WDR6: variants seen among roughly 807,000 people sequenced by gnomAD.
WDR6 encodes the protein tRNA (34-2'-O)-methyltransferase regulator WDR6.
In WDR6, 58 loss-of-function variants were observed where a neutral mutation model predicts 85.6. The observed-to-expected ratio is 0.68, with a 90% confidence interval of 0.55 to 0.84. The LOEUF (loss-of-function observed/expected upper bound fraction) is 0.84, where lower values mean the gene tolerates loss of function less well. Ranked by LOEUF, WDR6 falls within the 40% of genes least tolerant of loss-of-function variation. The pLI is 0.00. For missense variants in WDR6, 1,310 were observed against 1,476.4 expected (o/e 0.89, Z 1.85); for synonymous variants, 569 against 582.2 (o/e 0.98, Z 0.33).
chr3:49,010,414 A>G (rs1448871996), intron 1 of WDR6, among the ~76,000 whole-genome samples: 1 of 151,078 alleles, frequency 6.6e-6, no homozygotes, highest in African/African-American at 2.4e-5. Context: ...TCAAAAAAAA[A>G]AAAGAGTGAC....
rs1559896374 is a variant in WDR6 at position 49,012,454 on chromosome 3, A to G, written c.920A>G (p.His307Arg). 6.2e-7 allele frequency: 1 copy of G among 1,614,164 alleles called. No homozygotes were observed. Among genetic ancestry groups the G allele is most frequent in the Non-Finnish European group, 8.5e-7 (1 of 1,180,028 alleles). Residue 307 changes from histidine to arginine, a missense_variant, in exon 2 of 6, where the codon CAT becomes CGT. Physicochemically the swap from His to Arg is conservative, Grantham distance 29. Transcript: ENST00000608424. This position sits in a 1 kb window ranked among gnomAD's most constrained non-coding sequence, Gnocchi z 4.4. ...CGTGGGATCCGGGCCATAGCTGCCC[A>G]TGAGAGGCAGGCCTGGGTGATCACT... ...QGRGIRAIAA[H>R]ERQAWVITGG...
Position 49,012,135 on chromosome 3 carries a change from C to G in WDR6, c.601C>G (p.Pro201Ala). The G allele has an allele frequency of 6.8e-6, 11 of 1,614,142 alleles. No individual in the cohort carries two copies. The highest frequency in any genetic ancestry group is 9.3e-6 in the Non-Finnish European group (11 of 1,180,040). The part of the protein sequence containing the change: ...TALADNKPVA[P>A]DRRISGHVGI... ...CTTAGCAGACAACAAACCTGTAGCA[C>G]CTGACCGACGAATCAGTGGGCATGT... Residue 201 changes from proline to alanine, a missense_variant, in exon 2 of 6, where the codon CCT (proline) becomes GCT (alanine). Coordinates refer to ENST00000608424, the MANE Select transcript of WDR6 (RefSeq NM_018031.6). The surrounding 1 kb of genome is among the most constrained non-coding windows in gnomAD (Gnocchi z 4.4).
chr3:49,011,652 C>T lies in WDR6; in HGVS notation c.118C>T (p.Leu40=). The change falls in exon 2 of 6, where the codon CTG becomes TTG. Residue 40 remains leucine (L), a synonymous_variant. Transcript: ENST00000608424. The part of the protein sequence containing the change: ...RLLAGEGPDV[L]VYSLDFGGHL... Reference sequence around the variant, plus strand: ...CTATCTAGGTGAGGGTCCCGATGTCCTGGTGTACAGCTTGGACTTTGGTGG... The same window carrying T: ...CTATCTAGGTGAGGGTCCCGATGTCTTGGTGTACAGCTTGGACTTTGGTGG... The T allele has an allele frequency of 6.2e-7, 1 of 1,614,078 alleles. No individual in the cohort carries two copies. Among genetic ancestry groups the T allele is most frequent in the South Asian group, 1.1e-5 (1 of 91,072 alleles).
chr3:49,011,367 C>T, intron 1 of WDR6: 1 of 1,247,076 alleles, frequency 8.0e-7, no homozygotes, highest in Non-Finnish European at 1.1e-6. Flanking sequence ...GCGTGAGCCA[C>T]CGTGCCTGGC....
At position 49,007,931 on chromosome 3, in the gene WDR6, C is replaced by CGGAGGGAGGA. The variant is rs2092992926; in HGVS notation, c.100+406_100+415dup. ...GGAGACGGGGCCGAGCTGGGGGGGGCGGAGGGAGGAGGAGGAGGAGGAGGC... is the reference window on the plus strand; with the variant it reads ...GGAGACGGGGCCGAGCTGGGGGGGGCGGAGGGAGGAGGAGGGAGGAGGAGGAGGAGGAGGC... On this transcript the variant is annotated intron_variant, in intron 1 of 5. Transcript: ENST00000608424. This position sits in a 1 kb window ranked among gnomAD's most constrained non-coding sequence, Gnocchi z 5.1. 6.3e-5 allele frequency: 3 copies of CGGAGGGAGGA among 47,626 alleles called. No individual in the cohort carries two copies. Among genetic ancestry groups the CGGAGGGAGGA allele is most frequent in the African/African-American group, 2.7e-4 (3 of 11,252 alleles). 3.0% of individuals were successfully genotyped at this position (47,626 alleles called of 1,614,324 possible).
Position 49,012,094 on chromosome 3 carries a change from G to C in WDR6, c.560G>C (p.Trp187Ser), listed in dbSNP as rs991271470. The change falls in exon 2 of 6, where the codon TGG (tryptophan) becomes TCG (serine). Residue 187 changes from tryptophan (W) to serine (S), a missense_variant. Transcript: ENST00000608424. This position sits in a 1 kb window ranked among gnomAD's most constrained non-coding sequence, Gnocchi z 4.4. The part of the protein sequence containing the change: ...AGAVSNQLLV[W>S]YPATALADNK... ...GCTGTTTCCAACCAGCTCTTGGTCT[G>C]GTACCCAGCAACTGCCTTAGCAGAC... The C allele has an allele frequency of 3.7e-6, 6 of 1,613,768 alleles. No individual in the cohort carries two copies. The African/African-American group carries it at 6.7e-5, about 18-fold the overall frequency.
chr3:49,011,401 T>C, intron 1 of WDR6: 2 of 1,438,328 alleles, frequency 1.4e-6, no homozygotes, highest in Non-Finnish European at 1.8e-6. Context: ...TTTCTTTTTT[T>C]TTTTTTTCTT....
rs2093024818 is a variant in WDR6 at position 49,012,792 on chromosome 3, G to T, written c.1258G>T (p.Val420Phe). Residue 420 changes from valine (V) to phenylalanine (F), a missense_variant, in exon 2 of 6, where the codon GTC becomes TTC. Coordinates refer to ENST00000608424, the MANE Select transcript of WDR6 (RefSeq NM_018031.6). This position sits in a 1 kb window ranked among gnomAD's most constrained non-coding sequence, Gnocchi z 4.4. ...CAATGGGGAAGGTCGTGTCAAGGTT[G>T]TCCCCATCAACACTCCAACTGCTGC... ...MANGEGRVKV[V>F]PINTPTAAVD... is the part of the protein sequence containing the mutation. 1.9e-6 allele frequency: 3 copies of T among 1,614,020 alleles called. No individual in the cohort carries two copies. In the East Asian group the frequency reaches 6.7e-5, roughly 36 times the overall value.
chr3:49,012,823 A>T lies in WDR6; in HGVS notation c.1289A>T (p.Asp430Val), dbSNP rs199741810. ...VPINTPTAAV[D>V]QTLFPGKVHS... ...ATCAACACTCCAACTGCTGCTGTGGACCAGACCCTGTTTCCTGGGAAGGTG... is the reference window on the plus strand; with the variant it reads ...ATCAACACTCCAACTGCTGCTGTGGTCCAGACCCTGTTTCCTGGGAAGGTG... The change falls in exon 2 of 6, where the codon GAC (aspartate) becomes GTC (valine). Residue 430 changes from aspartate (D) to valine (V), a missense_variant. Physicochemically the swap from Asp to Val is radical, Grantham distance 152. Coordinates refer to ENST00000608424, the MANE Select transcript of WDR6 (RefSeq NM_018031.6). This position sits in a 1 kb window ranked among gnomAD's most constrained non-coding sequence, Gnocchi z 4.4. 1 of 1,613,580 alleles carries T rather than the reference A, an allele frequency of 6.2e-7. No individual in the cohort carries two copies. Among genetic ancestry groups the T allele is most frequent in the Non-Finnish European group, 8.5e-7 (1 of 1,179,934 alleles).
chr3:49,015,917 GC>G lies in WDR6; in HGVS notation c.*633del, dbSNP rs1244832566. The G allele has an allele frequency of 8.1e-6, 13 of 1,614,030 alleles. No individual in the cohort carries two copies. The highest frequency in any genetic ancestry group is 1.1e-5 in the Non-Finnish European group (13 of 1,180,048). On this transcript the variant is annotated 3_prime_UTR_variant, in exon 6 of 6. Transcript: ENST00000608424. ...CACTGGCCCATCTCTTTGCTCTTGT[GC>G]CCCAGGCCAGAATAAAGAATAGAGT...
Position 49,012,274 on chromosome 3 carries a change from G to A in WDR6, c.740G>A (p.Arg247Gln), listed in dbSNP as rs767560521. 30 of 1,614,108 alleles carry A rather than the reference G, an allele frequency of 1.9e-5. No homozygotes were observed. The highest frequency in any genetic ancestry group is 2.4e-5 in the Non-Finnish European group (28 of 1,180,048). ...GGCGACCTGCGAGTGCCTGGGGGTC[G>A]GGTGCAGAATATTGGGCACTGCTTT... ...KVGDLRVPGGRVQNIGHCFGH... is the reference protein window; with the variant it reads ...KVGDLRVPGGQVQNIGHCFGH... The change falls in exon 2 of 6, where the codon CGG becomes CAG. Residue 247 changes from arginine to glutamine, a missense_variant. Transcript: ENST00000608424. The surrounding 1 kb of genome is among the most constrained non-coding windows in gnomAD (Gnocchi z 4.4).
rs1415847889 is a variant in WDR6 at position 49,013,771 on chromosome 3, G to A, written c.2237G>A (p.Cys746Tyr). 2.5e-6 allele frequency: 4 copies of A among 1,614,154 alleles called. No individual in the cohort carries two copies. Among genetic ancestry groups the A allele is most frequent in the Admixed American group, 1.7e-5 (1 of 60,022 alleles). ...GACTTGACTGACATTGTGATCACAT[G>A]TAGTGAGGACACTACTGTCTGTGTC... ...GPDLTDIVITCSEDTTVCVLA... is the reference protein window; with the variant it reads ...GPDLTDIVITYSEDTTVCVLA... The change falls in exon 2 of 6, where the codon TGT becomes TAT. Residue 746 changes from cysteine to tyrosine, a missense_variant. Transcript: ENST00000608424. This position sits in a 1 kb window ranked among gnomAD's most constrained non-coding sequence, Gnocchi z 4.6.
chr3:49,015,447 G>T lies in WDR6; in HGVS notation c.*159G>T. ...TGCAGGAGCTGAAGGTGAGTGGAGT[G>T]CTGCCAAGAATATGCCCGACTCCCC... On this transcript the variant is annotated 3_prime_UTR_variant, in exon 6 of 6. Transcript: ENST00000608424. 1 of 1,422,704 alleles carries T rather than the reference G, an allele frequency of 7.0e-7. No individual in the cohort carries two copies. Among genetic ancestry groups the T allele is most frequent in the Non-Finnish European group, 9.7e-7 (1 of 1,034,740 alleles). 88.1% of individuals were successfully genotyped at this position (1,422,704 alleles called of 1,614,324 possible).
Position 49,015,739 on chromosome 3 carries a change from T to G in WDR6, c.*451T>G. On this transcript the variant is annotated 3_prime_UTR_variant, in exon 6 of 6. Coordinates refer to ENST00000608424, the MANE Select transcript of WDR6 (RefSeq NM_018031.6). ...GAGAAAGGGCCTGCTGGTCTCATCC[T>G]CTGCTTCCTTTGCCTTTACCCTATA... 2 of 1,614,130 alleles carry G rather than the reference T, an allele frequency of 1.2e-6. No homozygotes were observed. Among genetic ancestry groups the G allele is most frequent in the Non-Finnish European group, 1.7e-6 (2 of 1,180,012 alleles).
chr3:49,011,001 A>G, intron 1 of WDR6: 1 of 429,516 alleles, frequency 2.3e-6, no homozygotes, highest in East Asian at 7.1e-5. Flanking sequence ...CAGCGACAGA[A>G]TGAGACTCTG....
At position 49,007,428 on chromosome 3, in the gene WDR6, C is replaced by A; in HGVS notation, c.-4C>A. 1 of 1,609,862 alleles carries A rather than the reference C, an allele frequency of 6.2e-7. No individual in the cohort carries two copies. Among genetic ancestry groups the A allele is most frequent in the South Asian group, 1.1e-5 (1 of 90,242 alleles). On this transcript the variant is annotated 5_prime_UTR_variant, in exon 1 of 6. Coordinates refer to ENST00000608424, the MANE Select transcript of WDR6 (RefSeq NM_018031.6). The surrounding 1 kb of genome is among the most constrained non-coding windows in gnomAD (Gnocchi z 5.1). ...GTGGCTGCCTCAGCACCTCGAGGAT[C>A]GACATGGACGCTCTCGAGGACTACG... is the stretch of plus-strand genomic sequence containing the variant.
In WDR6 at chr3:49,012,982, G is replaced by A. The variant is rs202213783; in HGVS notation, c.1448G>A (p.Arg483Gln). 3.3e-5 allele frequency: 53 copies of A among 1,613,780 alleles called. No homozygotes were observed. The East Asian group carries it at 8.2e-4, about 25-fold the overall frequency. Reference sequence around the variant, plus strand: ...GCCATCTTTGTCAAGGAACGTTGTCGGTACCTGCTGCCCCCAAGCAAGCAG... The same window carrying A: ...GCCATCTTTGTCAAGGAACGTTGTCAGTACCTGCTGCCCCCAAGCAAGCAG... ...GKAIFVKERC[R>Q]YLLPPSKQRW... The change falls in exon 2 of 6, where the codon CGG becomes CAG. Residue 483 changes from arginine to glutamine, a missense_variant. Coordinates refer to ENST00000608424, the MANE Select transcript of WDR6 (RefSeq NM_018031.6). The surrounding 1 kb of genome is among the most constrained non-coding windows in gnomAD (Gnocchi z 4.4).
At position 49,014,149 on chromosome 3, in the gene WDR6, G is replaced by A. The variant is rs1222306857; in HGVS notation, c.2582+33G>A. 1.9e-6 allele frequency: 3 copies of A among 1,614,078 alleles called. No individual in the cohort carries two copies. The highest frequency in any genetic ancestry group is 4.5e-5 in the East Asian group (2 of 44,876). ...ATGCTCCTGGGCAGGGTGTGGTATGGGTCATGCAGATGCTCCCAGGCTTGC... is the reference window on the plus strand; with the variant it reads ...ATGCTCCTGGGCAGGGTGTGGTATGAGTCATGCAGATGCTCCCAGGCTTGC... On this transcript the variant is annotated intron_variant, in intron 2 of 5. Transcript: ENST00000608424. This position sits in a 1 kb window ranked among gnomAD's most constrained non-coding sequence, Gnocchi z 4.9.
chr3:49,011,105 T>C, intron 1 of WDR6: 1 of 448,124 alleles, frequency 2.2e-6, no homozygotes, highest in African/African-American at 2.0e-5. Flanking sequence ...TTTTTTCTTT[T>C]TTTTTTTTTG....
Sources: allele counts gnomAD v4.1 joint callset (sites outside exome capture counted in the v4.1 genomes callset), GRCh38; gene constraint gnomAD v4.1.1; non-coding constraint Gnocchi (gnomAD v3.1); transcripts MANE v1.5; gene names NCBI Gene and HGNC (gene_info 2026-07-23, HGNC 2026-07-21).